IL17B: variants seen among roughly 807,000 people sequenced by gnomAD.
IL17B encodes the protein interleukin 17B, also known as interleukin-17B.
Under a neutral mutation model 14.7 loss-of-function variants are expected in IL17B, and 14 were observed. The ratio of observed to expected loss-of-function variants is 0.95; its 90% CI spans 0.63 to 1.49. The LOEUF (loss-of-function observed/expected upper bound fraction) is 1.49. Among genes scored for constraint, IL17B ranks in the 40% most tolerant of loss-of-function variants. IL17B has a pLI of 0.00. For synonymous variants in IL17B, 105 were observed against 94.8 expected, an observed-to-expected ratio of 1.11 and a Z score of -0.62; for missense variants, 233 against 252.8, an observed-to-expected ratio of 0.92 and a Z score of 0.53.
intron 1 of IL17B, among the ~76,000 whole-genome samples, chr5:149,388,869 C>T (rs893055136): frequency 6.6e-6 from 1 of 152,208 alleles, no homozygotes; most frequent in Non-Finnish European, 1.5e-5. Context: ...GGAGTCTCTG[C>T]CCCAGCCACA....
At chr5:149,386,328 G>A (rs1758828322) in intron 1 of IL17B, among the ~76,000 whole-genome samples, 1 of 152,172 alleles carries the variant, frequency 6.6e-6, no homozygotes, top group South Asian at 2.1e-4. Flanking sequence ...GCAGAGGAAC[G>A]TCCTGAGAGC....
intron 1 of IL17B, among the ~76,000 whole-genome samples, chr5:149,399,368 A>G (rs560286260): frequency 6.6e-6 from 1 of 152,178 alleles, no homozygotes; most frequent in Non-Finnish European, 1.5e-5. Context: ...TTTACCTATC[A>G]TTCAGGAAGA....
upstream of IL17B, chr5:149,379,387 C>G: frequency 1.3e-6 from 1 of 783,754 alleles, no homozygotes; most frequent in Non-Finnish European, 2.1e-6. Context: ...AGCCTTGGGC[C>G]CCCAGCTGGC....
chr5:149,393,244 C>G, intron 1 of IL17B, among the ~76,000 whole-genome samples: 1 of 152,154 alleles, frequency 6.6e-6, no homozygotes, highest in Admixed American at 6.5e-5. Context: ...GCTTCAATGC[C>G]CTTCTCTGCC....
In IL17B at chr5:149,374,676, T is replaced by C; in HGVS notation, c.312-76A>G. 2 of 1,116,216 alleles carry C rather than the reference T, an allele frequency of 1.8e-6. No individual in the cohort carries two copies. Among genetic ancestry groups the C allele is most frequent in the East Asian group, 2.5e-5 (1 of 39,744 alleles). The allele number at this position is 1,116,216 out of a possible 1,614,324, so 69.1% of individuals were successfully genotyped here. On this transcript the variant is annotated intron_variant, in intron 2 of 2. Coordinates refer to ENST00000261796, the MANE Select transcript of IL17B (RefSeq NM_014443.3). The surrounding 1 kb of genome is among the most constrained non-coding windows in gnomAD (Gnocchi z 5.0). Reference sequence around the variant, plus strand: ...AGTCAGCACCCATACTCCACACCCCTGCCTTTCCTAATCAGAGTTTTAATT... The same window carrying C: ...AGTCAGCACCCATACTCCACACCCCCGCCTTTCCTAATCAGAGTTTTAATT...
At chr5:149,391,482 A>C (rs1440349248) in intron 1 of IL17B, among the ~76,000 whole-genome samples, 2 of 152,180 alleles carry the variant, frequency 1.3e-5, no homozygotes, top group African/African-American at 2.4e-5. Flanking sequence ...ACACAATCAG[A>C]GAATGCAGGG....
chr5:149,400,915 C>A (rs1347745928), intron 1 of IL17B, among the ~76,000 whole-genome samples: 1 of 152,170 alleles, frequency 6.6e-6, no homozygotes, highest in East Asian at 1.9e-4. Flanking sequence ...CCCTCCTCCA[C>A]CCTTTTGTTC....
intron 1 of IL17B, among the ~76,000 whole-genome samples, chr5:149,390,624 C>CAGAG (rs1461041394): frequency 5.5e-5 from 8 of 144,944 alleles, no homozygotes; most frequent in African/African-American, 2.1e-4. Context: ...CACACACACA[C>CAGAG]ACACACAGAG....
chr5:149,377,238 A>G (rs1014462358), intron 1 of IL17B, among the ~76,000 whole-genome samples: 2 of 152,074 alleles, frequency 1.3e-5, no homozygotes, highest in Non-Finnish European at 2.9e-5. Context: ...TCTTACACTC[A>G]GCATGCTCCT....
intron 1 of IL17B, among the ~76,000 whole-genome samples, chr5:149,397,240 G>C (rs952206618): frequency 1.3e-5 from 2 of 151,940 alleles, no homozygotes; most frequent in African/African-American, 4.8e-5. Flanking sequence ...TGCGATCTCT[G>C]CTCACTGCAA....
chr5:149,397,835 A>C (rs534615182), intron 1 of IL17B, among the ~76,000 whole-genome samples: 2 of 152,310 alleles, frequency 1.3e-5, no homozygotes, highest in African/African-American at 4.8e-5. Context: ...AGAGTCCAAA[A>C]GCTGGCAAGC....
chr5:149,376,869 C>G lies in IL17B; in HGVS notation c.178G>C (p.Glu60Gln), dbSNP rs1041078298. 2 of 1,614,050 alleles carry G rather than the reference C, an allele frequency of 1.2e-6. No homozygotes were observed. The highest frequency in any genetic ancestry group is 1.1e-5 in the South Asian group (1 of 91,090). ...TCCTCGATGTTCCTCTCATACTCCT[C>G]CATGCGGGCATACGGTTTCATCCGT... ...VSRMKPYARM[E>Q]EYERNIEEMV... is the part of the protein sequence containing the mutation. The change falls in exon 2 of 3, where the codon GAG becomes CAG. Residue 60 changes from glutamate to glutamine, a missense_variant. Physicochemically the swap from Glu to Gln is conservative, Grantham distance 29. Coordinates refer to ENST00000261796, the MANE Select transcript of IL17B (RefSeq NM_014443.3).
At chr5:149,397,914 T>C (rs1394161375) in intron 1 of IL17B, among the ~76,000 whole-genome samples, 2 of 152,178 alleles carry the variant, frequency 1.3e-5, no homozygotes, top group Non-Finnish European at 2.9e-5. Flanking sequence ...ATTTGCCTTC[T>C]GTATTTGTTT....
chr5:149,392,972 G>A (rs572921646), intron 1 of IL17B, among the ~76,000 whole-genome samples: 137 of 62,026 alleles, frequency 2.2e-3, no homozygotes, highest in African/African-American at 4.1e-3. Flanking sequence ...GTGTGTGCGC[G>A]CGTGCGTGTG....
intron 1 of IL17B, among the ~76,000 whole-genome samples, chr5:149,390,523 C>T (rs1261687842): frequency 1.5e-5 from 2 of 135,948 alleles, no homozygotes; most frequent in Non-Finnish European, 3.2e-5. Context: ...CTTAAGGAAA[C>T]CCCCCCAAAC....
At chr5:149,383,036 G>GCCCTGC (rs1758739118), upstream of IL17B, among the ~76,000 whole-genome samples, 1 of 152,216 alleles carries the variant, frequency 6.6e-6, no homozygotes, top group Non-Finnish European at 1.5e-5. Flanking sequence ...CTGAGTTTCA[G>GCCCTGC]CCCTGCCCCT....
At chr5:149,393,028 GGCGTGTGTGT>G (rs1419970880) in intron 1 of IL17B, among the ~76,000 whole-genome samples, 103 of 149,626 alleles carry the variant, frequency 6.9e-4, no homozygotes, top group African/African-American at 2.4e-3. Flanking sequence ...CGTGTGTGTG[GGCGTGTGTGT>G]GCGTGTGTGT....
intron 2 of IL17B, among the ~76,000 whole-genome samples, chr5:149,375,777 G>A (rs1055739516): frequency 2.6e-5 from 4 of 152,204 alleles, no homozygotes; most frequent in African/African-American, 4.8e-5. Flanking sequence ...CTACTGGGAG[G>A]CTGAGGTGGA....
chr5:149,383,439 A>G (rs956224204), upstream of IL17B, among the ~76,000 whole-genome samples: 2 of 152,188 alleles, frequency 1.3e-5, no homozygotes, highest in African/African-American at 4.8e-5. Context: ...AACTTGCCCA[A>G]GTGGACCCAG....
Sources: gnomAD v4.1 joint callset for allele counts (sites outside exome capture counted in the v4.1 genomes callset) on GRCh38, gnomAD v4.1.1 for gene constraint, Gnocchi (gnomAD v3.1) non-coding constraint, MANE v1.5 for transcripts, NCBI Gene and HGNC (gene_info 2026-07-23, HGNC 2026-07-21) for gene names.